CDKL5: variants seen among roughly 807,000 people sequenced by gnomAD.
The protein encoded by CDKL5 is cyclin-dependent kinase-like 5.
In CDKL5, 8 loss-of-function variants were observed where a neutral mutation model predicts 61.7. The observed-to-expected ratio is 0.13, with a 90% confidence interval of 0.08 to 0.23. The LOEUF is 0.23. Among genes scored for constraint, CDKL5 ranks in the 10% least tolerant of loss-of-function variants. The pLI is 1.00. For synonymous variants in CDKL5, 275 were observed against 272.3 expected (o/e 1.01, Z -0.10); for missense variants, 440 against 734.5 (o/e 0.60, Z 4.63).
intron 3 of CDKL5, among the ~76,000 whole-genome samples, chrX:18,525,140 C>T (rs1012704495): frequency 9.0e-6 from 1 of 111,524 alleles, no homozygotes; most frequent in Non-Finnish European, 1.9e-5. Flanking sequence ...CGCTCTGTCA[C>T]CCAGGCTGGA....
intron 9 of CDKL5, among the ~76,000 whole-genome samples, chrX:18,593,209 A>T (rs1326975379): frequency 8.9e-6 from 1 of 112,298 alleles, no homozygotes; most frequent in African/African-American, 3.2e-5. Flanking sequence ...ACTGATTGAG[A>T]TATACTTTAA....
chrX:18,429,978 G>C (rs1412508967), intron 1 of CDKL5, among the ~76,000 whole-genome samples: 1 of 111,597 alleles, frequency 9.0e-6, no homozygotes, highest in East Asian at 2.8e-4. Flanking sequence ...ATTATGCCTC[G>C]GGTGTACTGA....
intron 4 of CDKL5, 27 bp from the exon 5 acceptor site, chrX:18,575,327 G>A: frequency 8.4e-7 from 1 of 1,194,293 alleles, no homozygotes; most frequent in South Asian, 1.8e-5. Flanking sequence ...TTTCATTTTA[G>A]TCTCTTCACC....
chrX:18,473,704 TTCTCTC>T (rs907997084), intron 1 of CDKL5, among the ~76,000 whole-genome samples: 3 of 108,376 alleles, frequency 2.8e-5, no homozygotes, highest in Non-Finnish European at 5.7e-5. Context: ...AAAAATGAAC[TTCTCTC>T]TCTTTTTTTT....
At chrX:18,431,566 C>T (rs1448043978) in intron 1 of CDKL5, among the ~76,000 whole-genome samples, 2 of 108,747 alleles carry the variant, frequency 1.8e-5, no homozygotes, top group African/African-American at 6.7e-5. Flanking sequence ...GGACTACAGG[C>T]GCCCGCCACC....
At chrX:18,531,354 C>T (rs970972676) in intron 3 of CDKL5, among the ~76,000 whole-genome samples, 1 of 112,413 alleles carries the variant, frequency 8.9e-6, no homozygotes, top group African/African-American at 3.2e-5. Context: ...TTCCTTGTGT[C>T]TTACACAAAA....
chrX:18,545,345 T>C (rs1195691965), intron 3 of CDKL5, among the ~76,000 whole-genome samples: 1 of 112,332 alleles, frequency 8.9e-6, no homozygotes, highest in Non-Finnish European at 1.9e-5. Flanking sequence ...TGTATATCTA[T>C]TATATATCAC....
intron 3 of CDKL5, among the ~76,000 whole-genome samples, chrX:18,543,220 G>T (rs1256391537): frequency 9.1e-6 from 1 of 110,287 alleles, no homozygotes; most frequent in Non-Finnish European, 1.9e-5. Flanking sequence ...AATAGGGAGG[G>T]TATTGCCAGA....
intron 1 of CDKL5, among the ~76,000 whole-genome samples, chrX:18,438,222 C>A (rs961386472): frequency 9.1e-6 from 1 of 109,923 alleles, no homozygotes; most frequent in Non-Finnish European, 1.9e-5. Flanking sequence ...TGTGCCCCCA[C>A]GCCCGGCTAA....
intron 3 of CDKL5, among the ~76,000 whole-genome samples, chrX:18,549,068 AT>A (rs1183965045): frequency 9.0e-6 from 1 of 111,693 alleles, no homozygotes; most frequent in Non-Finnish European, 1.9e-5. Context: ...AGAATCAAGC[AT>A]TTTTTTATTG....
chrX:18,439,751 C>T (rs979774239), intron 1 of CDKL5, among the ~76,000 whole-genome samples: 2 of 107,102 alleles, frequency 1.9e-5, no homozygotes, highest in African/African-American at 3.4e-5. Flanking sequence ...GCAGGAGAAT[C>T]GCTTGAAGCC....
intron 10 of CDKL5, among the ~76,000 whole-genome samples, chrX:18,598,043 C>A (rs1926060678): frequency 9.0e-6 from 1 of 111,304 alleles, no homozygotes; most frequent in African/African-American, 3.3e-5. Context: ...AAACTGGTAA[C>A]CTAGGCTGCC....
intron 1 of CDKL5, among the ~76,000 whole-genome samples, chrX:18,445,028 C>T (rs1300047833): frequency 9.1e-6 from 1 of 110,264 alleles, no homozygotes; most frequent in African/African-American, 3.3e-5. Flanking sequence ...AATTTTGACT[C>T]CATATTTGTG....
At chrX:18,590,031 A>T (rs1372402776) in intron 9 of CDKL5, among the ~76,000 whole-genome samples, 1 of 111,579 alleles carries the variant, frequency 9.0e-6, no homozygotes, top group Non-Finnish European at 1.9e-5. Context: ...TAGATTCTGG[A>T]TATTAGCCCT....
rs1932122901 is a variant in CDKL5, at chrX:18,455,583, A to G, written c.-163+29888A>G. Among the ~76,000 whole-genome samples, 3 of 112,960 alleles carry G rather than the reference A, an allele frequency of 2.7e-5. No homozygotes were observed. In the South Asian group the frequency reaches 1.1e-3, roughly 41 times the overall value. On this transcript the variant is annotated intron_variant, in intron 1 of 17. Transcript: ENST00000623535. Reference sequence around the variant, plus strand: ...GAGGAGTTTGGTAACTGTTAGGTTGAGGACTGTTAAGAGGCCTGCTGGAGG... The same window carrying G: ...GAGGAGTTTGGTAACTGTTAGGTTGGGGACTGTTAAGAGGCCTGCTGGAGG...
At chrX:18,596,681 G>A (rs1323032378) in intron 10 of CDKL5, among the ~76,000 whole-genome samples, 1 of 111,769 alleles carries the variant, frequency 8.9e-6, no homozygotes, top group South Asian at 3.7e-4. Context: ...CAATAATTTG[G>A]TAACTTCTAA....
chrX:18,576,255 C>T (rs1216851117), intron 5 of CDKL5, among the ~76,000 whole-genome samples: 1 of 111,206 alleles, frequency 9.0e-6, no homozygotes, highest in Non-Finnish European at 1.9e-5. Context: ...CATAGTGAGA[C>T]CCTGTCTCTA....
intron 1 of CDKL5, among the ~76,000 whole-genome samples, chrX:18,461,176 C>T (rs1219544975): frequency 8.9e-6 from 1 of 111,857 alleles, no homozygotes; most frequent in Non-Finnish European, 1.9e-5. Context: ...GTTTTTGTAC[C>T]GGTCTTTTGG....
intron 3 of CDKL5, among the ~76,000 whole-genome samples, 181 bp downstream of exon 3, chrX:18,511,035 T>G (rs993614979): frequency 8.9e-6 from 1 of 111,818 alleles, no homozygotes; most frequent in Non-Finnish European, 1.9e-5. Context: ...ATGAGATACC[T>G]TGGGGATGGG....
Sources: gnomAD v4.1 joint callset for allele counts (sites outside exome capture counted in the v4.1 genomes callset) on GRCh38, gnomAD v4.1.1 for gene constraint, MANE v1.5 for transcripts, NCBI Gene and HGNC (gene_info 2026-07-23, HGNC 2026-07-21) for gene names.